The following APP variants were observed in gnomAD, a reference collection of about 807,000 sequenced individuals.
The protein encoded by APP is amyloid-beta precursor protein.
APP carries 31 observed loss-of-function variants against 101.4 expected under a neutral mutation model. That is an observed-to-expected ratio of 0.31 (90% confidence interval 0.23 to 0.41). The LOEUF (loss-of-function observed/expected upper bound fraction) is 0.41, where lower values mean the gene tolerates loss of function less well. Among genes scored for constraint, APP ranks in the 10% least tolerant of loss-of-function variants. The pLI is 1.00. For missense variants in APP, 839 were observed against 1,003.7 expected (o/e 0.84, Z 2.22); for synonymous variants, 366 against 364.4 (o/e 1.00, Z -0.05).
At position 26,038,006 on chromosome 21, in the gene APP, A is replaced by C. The variant is rs2045197932; in HGVS notation, c.662+12994T>G. Among the ~76,000 whole-genome samples the C allele has an allele frequency of 2.0e-5, 3 of 152,210 alleles. 1 individual carries two copies. The highest frequency in any genetic ancestry group is 4.4e-5 in the Non-Finnish European group (3 of 68,034). ...AATATAAAATTGAAGATCCTAAAAA[A>C]GTATAGAAGTTTTAAAGTAGAATGA... On this transcript the variant is annotated intron_variant, in intron 5 of 17. Transcript: ENST00000346798.
At chr21:26,139,691 A>C (rs1031490930) in intron 1 of APP, among the ~76,000 whole-genome samples, 1 of 152,288 alleles carries the variant, frequency 6.6e-6, no homozygotes, top group Non-Finnish European at 1.5e-5. Flanking sequence ...TCAAGAGATC[A>C]AGACCATCCT....
At chr21:26,109,654 C>T (rs1041002819) in intron 2 of APP, among the ~76,000 whole-genome samples, 1 of 152,134 alleles carries the variant, frequency 6.6e-6, no homozygotes, top group Admixed American at 6.5e-5. Context: ...GAAAGTAAAG[C>T]TACCCAGGCA....
At chr21:26,122,717 T>A (rs2062600636) in intron 1 of APP, among the ~76,000 whole-genome samples, 1 of 151,960 alleles carries the variant, frequency 6.6e-6, no homozygotes, top group Non-Finnish European at 1.5e-5. Context: ...AAGATTTTAA[T>A]AAAATTTTTT....
intron 1 of APP, among the ~76,000 whole-genome samples, chr21:26,140,824 T>G (rs2063029004): frequency 6.6e-6 from 1 of 152,240 alleles, no homozygotes. Context: ...ATTGAAAGAA[T>G]GGCAAGAAGT....
rs1013527645 is a variant in APP, at chr21:26,131,100, T to C, written c.58-18954A>G. ...TAAAATTAGCTGGGCGTGGTGGCAC[T>C]CACCCGTAATCCCAGCTACTCAGGA... is the stretch of plus-strand genomic sequence containing the variant. On this transcript the variant is annotated intron_variant, in intron 1 of 17. Coordinates refer to ENST00000346798, the MANE Select transcript of APP (RefSeq NM_000484.4). Among the ~76,000 whole-genome samples, 3 of 151,872 alleles carry C rather than the reference T, an allele frequency of 2.0e-5. No homozygotes were observed. In the East Asian group the frequency reaches 5.8e-4, roughly 29 times the overall value.
intron 2 of APP, among the ~76,000 whole-genome samples, chr21:26,110,814 T>C (rs1843946151): frequency 6.6e-6 from 1 of 152,064 alleles, no homozygotes; most frequent in South Asian, 2.1e-4. Context: ...AAAGAAAATG[T>C]TGCCAGGCTA....
At chr21:26,045,079 G>C (rs1485633744) in intron 5 of APP, among the ~76,000 whole-genome samples, 1 of 152,044 alleles carries the variant, frequency 6.6e-6, no homozygotes, top group African/African-American at 2.4e-5. Flanking sequence ...ATCTCTCTAA[G>C]GTGATTAGAA....
intron 1 of APP, among the ~76,000 whole-genome samples, chr21:26,130,986 T>C (rs1337603096): frequency 6.6e-6 from 1 of 152,138 alleles, no homozygotes; most frequent in Non-Finnish European, 1.5e-5. Context: ...TCCCAGCACT[T>C]TGGGAGGCCG....
At chr21:25,948,394 A>G (rs1487191332) in intron 13 of APP, among the ~76,000 whole-genome samples, 2 of 152,156 alleles carry the variant, frequency 1.3e-5, no homozygotes, top group East Asian at 3.8e-4. Context: ...AGAGTGGAAC[A>G]TTTTATCAAG....
intron 2 of APP, among the ~76,000 whole-genome samples, chr21:26,110,924 T>C (rs1160963811): frequency 6.6e-6 from 1 of 151,972 alleles, no homozygotes; most frequent in Non-Finnish European, 1.5e-5. Flanking sequence ...CAGAGATAAC[T>C]ATCTAAGAAG....
intron 2 of APP, among the ~76,000 whole-genome samples, chr21:26,104,416 G>C (rs77502122): frequency 6.6e-6 from 1 of 152,126 alleles, no homozygotes; most frequent in African/African-American, 2.4e-5. Flanking sequence ...AAACTATTAC[G>C]ATTGGGAAAG....
intron 1 of APP, among the ~76,000 whole-genome samples, chr21:26,133,932 A>T (rs1202215886): frequency 6.6e-6 from 1 of 152,154 alleles, no homozygotes; most frequent in Non-Finnish European, 1.5e-5. Flanking sequence ...CTAGAACTTA[A>T]CTTGGTTGTG....
At chr21:25,908,484 G>A (rs2038901436) in intron 14 of APP, among the ~76,000 whole-genome samples, 1 of 152,286 alleles carries the variant, frequency 6.6e-6, no homozygotes, top group South Asian at 2.1e-4. Flanking sequence ...GGGTGTATGT[G>A]TGTGTGTGTG....
In APP at chr21:26,091,938, G is replaced by A. The variant is rs554181530; in HGVS notation, c.226-1866C>T. ...AGATAACATCCATGGGGAGTTAGAC[G>A]ATACACGGAATTTCACTCACAATTG... On this transcript the variant is annotated intron_variant, in intron 2 of 17. Transcript: ENST00000346798. Among the ~76,000 whole-genome samples the A allele has an allele frequency of 9.2e-5, 14 of 152,240 alleles. No homozygotes were observed. The South Asian group carries it at 2.5e-3, about 27-fold the overall frequency.
At chr21:26,148,492 A>G (rs550422011) in intron 1 of APP, among the ~76,000 whole-genome samples, 2 of 152,374 alleles carry the variant, frequency 1.3e-5, no homozygotes, top group South Asian at 4.1e-4. Flanking sequence ...GCTCATTTCA[A>G]ACTCTAACAA....
intron 5 of APP, among the ~76,000 whole-genome samples, chr21:26,043,028 A>C (rs2045446664): frequency 6.6e-6 from 1 of 152,178 alleles, no homozygotes; most frequent in Admixed American, 6.5e-5. Flanking sequence ...CTGCATGCTC[A>C]GATACAGTTT....
chr21:26,029,186 C>T (rs1382647241), intron 5 of APP, among the ~76,000 whole-genome samples: 5 of 152,116 alleles, frequency 3.3e-5, no homozygotes, highest in Admixed American at 2.0e-4. Flanking sequence ...TTACCCAGTA[C>T]GGTTACATTT....
intron 5 of APP, among the ~76,000 whole-genome samples, chr21:26,046,046 C>T (rs943911098): frequency 1.3e-5 from 2 of 151,930 alleles, no homozygotes; most frequent in African/African-American, 2.4e-5. Context: ...CATCAGATCT[C>T]GTGAGACTTA....
intron 1 of APP, among the ~76,000 whole-genome samples, chr21:26,161,015 T>C (rs973724424): frequency 2.0e-5 from 3 of 152,226 alleles, no homozygotes; most frequent in Admixed American, 6.5e-5. Flanking sequence ...TTGTTCGCAG[T>C]TTCTTAAATG....
Sources: allele counts gnomAD v4.1 joint callset (sites outside exome capture counted in the v4.1 genomes callset), GRCh38; gene constraint gnomAD v4.1.1; transcripts MANE v1.5; gene names NCBI Gene and HGNC (gene_info 2026-07-23, HGNC 2026-07-21).